Variants in USP25 observed in about 807,000 individuals in gnomAD.
USP25 encodes ubiquitin carboxyl-terminal hydrolase 25.
Under a neutral mutation model 158.5 loss-of-function variants are expected in USP25, and 85 were observed. That is an observed-to-expected ratio of 0.54 (90% CI 0.45 to 0.64). The LOEUF is 0.64. Ranked by LOEUF, USP25 falls within the 30% of genes least tolerant of loss-of-function variation. USP25 has a pLI of 0.00. For missense variants in USP25, 1,242 were observed against 1,327.3 expected (o/e 0.94, Z 1.00); for synonymous variants, 464 against 460.4 (o/e 1.01, Z -0.10).
intron 14 of USP25, 97 bp downstream of exon 14, chr21:15,827,300 A>G (rs2037559178): frequency 9.7e-7 from 1 of 1,034,798 alleles, no homozygotes; most frequent in Non-Finnish European, 1.4e-6. Context: ...TTATATTTAA[A>G]TATTATAGTC....
chr21:15,739,086 T>C (rs2123198161), intron 1 of USP25, among the ~76,000 whole-genome samples: 1 of 152,308 alleles, frequency 6.6e-6, no homozygotes, highest in East Asian at 1.9e-4. Context: ...CCCTTCCTCC[T>C]TTAACTCGGT....
chr21:15,767,164 A>G (rs1203005617), intron 3 of USP25, among the ~76,000 whole-genome samples: 1 of 152,040 alleles, frequency 6.6e-6, no homozygotes, highest in Non-Finnish European at 1.5e-5. Flanking sequence ...CCACATTTCT[A>G]GCCTCATTTT....
At chr21:15,823,522 A>G (rs1012294684) in intron 10 of USP25, among the ~76,000 whole-genome samples, 7 of 152,146 alleles carry the variant, frequency 4.6e-5, no homozygotes, top group Non-Finnish European at 1.0e-4. Flanking sequence ...ATAAATTAGT[A>G]TGAAATCCAG....
chr21:15,730,054 C>CA lies in USP25; in HGVS notation c.-340_-339insA, dbSNP rs2030624230. 6.6e-6 allele frequency: 1 copy of CA among 151,648 alleles called. No individual in the cohort carries two copies. Among genetic ancestry groups the CA allele is most frequent in the Non-Finnish European group, 1.5e-5 (1 of 67,932 alleles). 9.4% of individuals were successfully genotyped at this position (151,648 alleles called of 1,614,324 possible). On this transcript the variant is annotated 5_prime_UTR_variant, in exon 1 of 26. Transcript: ENST00000400183. The stretch of plus-strand genomic sequence containing the variant: ...AGCCCGCGGACCGGCAGCAAAGGAA[C>CA]GTGCGAACGCGTGACGCCGCCCGAC...
intron 1 of USP25, among the ~76,000 whole-genome samples, chr21:15,751,066 C>G (rs1295951258): frequency 6.6e-6 from 1 of 152,148 alleles, no homozygotes; most frequent in East Asian, 1.9e-4. Flanking sequence ...GAAGTATTGA[C>G]TAGGAACAGA....
intron 3 of USP25, among the ~76,000 whole-genome samples, chr21:15,773,650 A>G (rs867268236): frequency 6.6e-6 from 1 of 152,284 alleles, no homozygotes; most frequent in South Asian, 2.1e-4. Flanking sequence ...AAGAACATGG[A>G]GTAGATGGTG....
Position 15,730,314 on chromosome 21 carries a change from C to A in USP25, c.-80C>A, listed in dbSNP as rs979372655. 1.2e-4 allele frequency: 127 copies of A among 1,029,662 alleles called. 2 individuals carry two copies. Among genetic ancestry groups the A allele is most frequent in the Non-Finnish European group, 4.4e-5 (38 of 860,088 alleles). The allele number at this position is 1,029,662 out of a possible 1,614,324, so 63.8% of individuals were successfully genotyped here. A position where few individuals can be genotyped will look rare whatever the true frequency, so the allele number is the denominator to read the frequency against. On this transcript the variant is annotated 5_prime_UTR_variant, in exon 1 of 26. Coordinates refer to ENST00000400183, the MANE Select transcript of USP25 (RefSeq NM_001283041.3). The stretch of plus-strand genomic sequence containing the variant: ...GTCCGCGCCGCTCCCTGGAGCTCGG[C>A]GGAGCGCGGCAGCCAGGGCCGGCGG...
At chr21:15,759,658 TC>T (rs2033610951) in intron 1 of USP25, among the ~76,000 whole-genome samples, 1 of 152,164 alleles carries the variant, frequency 6.6e-6, no homozygotes, top group Admixed American at 6.5e-5. Flanking sequence ...AAATGAAGCC[TC>T]CAAGTTGCAG....
intron 1 of USP25, among the ~76,000 whole-genome samples, chr21:15,758,027 G>A (rs184465790): frequency 6.6e-6 from 1 of 152,300 alleles, no homozygotes; most frequent in Admixed American, 6.5e-5. Flanking sequence ...ATAGTTGTAT[G>A]TGTAACTGAG....
rs372048174 is a variant in USP25, at chr21:15,875,429, C to A, written c.3009+903C>A. On this transcript the variant is annotated intron_variant, in intron 24 of 25. Coordinates refer to ENST00000400183, the MANE Select transcript of USP25 (RefSeq NM_001283041.3). The surrounding 1 kb of genome is among the most constrained non-coding windows in gnomAD (Gnocchi z 4.7). ...GTCAAGATTACTTTAGTGTTCCTTT[C>A]AGATTTTTTCACGTTGTATATTTAC... Among the ~76,000 whole-genome samples, 9 of 152,086 alleles carry A rather than the reference C, an allele frequency of 5.9e-5. No individual in the cohort carries two copies. The highest frequency in any genetic ancestry group is 1.9e-4 in the African/African-American group (8 of 41,408).
chr21:15,869,625 A>T (rs1336523455), intron 22 of USP25, among the ~76,000 whole-genome samples: 6 of 152,200 alleles, frequency 3.9e-5, no homozygotes, highest in Non-Finnish European at 5.9e-5. Context: ...AGGTTAAATA[A>T]ATCTAACTTT....
At chr21:15,773,787 T>C (rs1445412648) in intron 3 of USP25, among the ~76,000 whole-genome samples, 1 of 152,202 alleles carries the variant, frequency 6.6e-6, no homozygotes, top group Non-Finnish European at 1.5e-5. Context: ...GGCTATTAGT[T>C]CATATTAAAA....
intron 1 of USP25, among the ~76,000 whole-genome samples, chr21:15,745,837 A>C (rs1382167833): frequency 1.3e-5 from 2 of 152,072 alleles, no homozygotes; most frequent in African/African-American, 4.8e-5. Flanking sequence ...TTGTTCTAGA[A>C]GTTTTGCCAT....
At chr21:15,763,486 A>G (rs2033857379) in intron 2 of USP25, among the ~76,000 whole-genome samples, 1 of 152,178 alleles carries the variant, frequency 6.6e-6, no homozygotes, top group Admixed American at 6.5e-5. Flanking sequence ...AAAATGTATC[A>G]TTTTGGTCAT....
intron 12 of USP25, among the ~76,000 whole-genome samples, chr21:15,825,533 C>T (rs1163645975): frequency 1.3e-5 from 2 of 152,134 alleles, no homozygotes; most frequent in African/African-American, 4.8e-5. Flanking sequence ...GGAATGAATG[C>T]CATTCCATAC....
At chr21:15,874,274 A>T (rs1220987076) in intron 23 of USP25, 129 bp from the exon 24 acceptor site, 2 of 816,574 alleles carry the variant, frequency 2.4e-6, no homozygotes, top group Non-Finnish European at 3.6e-6. Flanking sequence ...ACTGCGTCAG[A>T]TGATATTTTT....
At chr21:15,803,606 T>C (rs2036235334) in intron 6 of USP25, among the ~76,000 whole-genome samples, 1 of 151,992 alleles carries the variant, frequency 6.6e-6, no homozygotes, top group East Asian at 1.9e-4. Context: ...ACTTTTCAAA[T>C]ATGCTTCTCA....
chr21:15,838,893 A>G (rs2038192818), intron 17 of USP25, among the ~76,000 whole-genome samples: 1 of 152,094 alleles, frequency 6.6e-6, no homozygotes, highest in Admixed American at 6.6e-5. Context: ...AGCACCCCCA[A>G]ACCTCCTCAA....
chr21:15,802,781 A>G (rs978788754), intron 6 of USP25, among the ~76,000 whole-genome samples: 2 of 151,676 alleles, frequency 1.3e-5, no homozygotes, highest in African/African-American at 4.8e-5. Context: ...ATCTCAAAGC[A>G]GAAGTAAGGA....
Sources: gnomAD v4.1 joint callset for allele counts (sites outside exome capture counted in the v4.1 genomes callset) on GRCh38, gnomAD v4.1.1 for gene constraint, Gnocchi (gnomAD v3.1) non-coding constraint, MANE v1.5 for transcripts, NCBI Gene and HGNC (gene_info 2026-07-23, HGNC 2026-07-21) for gene names.